Variants in TAOK1 observed in about 807,000 individuals in gnomAD.
The protein encoded by TAOK1 is TAO kinase 1.
A neutral mutation model predicts 138.3 loss-of-function variants in TAOK1; 21 were observed. The observed-to-expected ratio is 0.15, with a 90% CI of 0.11 to 0.22. The LOEUF is 0.22. Ranked by LOEUF, TAOK1 falls within the 10% of genes least tolerant of loss-of-function variation. TAOK1 has a pLI of 1.00. For synonymous variants in TAOK1, 361 were observed against 398.4 expected, an observed-to-expected ratio of 0.91 and a Z score of 1.12; for missense variants, 651 against 1,227.7, an observed-to-expected ratio of 0.53 and a Z score of 7.02.
At chr17:29,517,705 T>A in intron 16 of TAOK1, 49 bp downstream of exon 16, 1 of 1,537,754 alleles carries the variant, frequency 6.5e-7, no homozygotes, top group Non-Finnish European at 8.8e-7. Context: ...AAAGAATCTT[T>A]CCTGAAAATA....
rs1464028136 is a variant in TAOK1 at position 29,545,251 on chromosome 17, CA to C, written c.*2232del. The stretch of plus-strand genomic sequence containing the variant: ...CATTCAGGTATTATAGCGTTTCCAA[CA>C]AATTGAGAAATTACTTATTTGGTGT... On this transcript the variant is annotated 3_prime_UTR_variant, in exon 20 of 20. Coordinates refer to ENST00000261716, the MANE Select transcript of TAOK1 (RefSeq NM_020791.4). 6.7e-6 allele frequency: 1 copy of C among 149,164 alleles called. No homozygotes were observed. The highest frequency in any genetic ancestry group is 2.0e-4 in the East Asian group (1 of 5,110). The allele number at this position is 149,164 out of a possible 1,614,324, so 9.2% of individuals were successfully genotyped here.
intron 1 of TAOK1, among the ~76,000 whole-genome samples, chr17:29,399,890 T>G (rs554088822): frequency 5.5e-4 from 83 of 152,140 alleles, no homozygotes; most frequent in African/African-American, 1.9e-3. Context: ...CCACCACACC[T>G]GGCTAATTTT....
chr17:29,531,907 C>T (rs1168558016), intron 18 of TAOK1, among the ~76,000 whole-genome samples: 1 of 149,020 alleles, frequency 6.7e-6, no homozygotes, highest in Non-Finnish European at 1.5e-5. Flanking sequence ...GTCACCCAGG[C>T]TGGAGTGCAG....
chr17:29,468,629 C>T (rs1356529279), intron 3 of TAOK1, among the ~76,000 whole-genome samples: 3 of 151,590 alleles, frequency 2.0e-5, no homozygotes, highest in Admixed American at 2.0e-4. Context: ...CTCACTGTAA[C>T]CTCCACCTCC....
In TAOK1 at chr17:29,530,389, A is replaced by G. The variant is rs756224750; in HGVS notation, c.2149-18A>G. On this transcript the variant is annotated intron_variant, in intron 17 of 19. Transcript: ENST00000261716. ...CTTTCGTTACAACTTACATAAATGT[A>G]TTTTTTTTTCTTCCCAGTCTAAAGA... The G allele has an allele frequency of 6.3e-6, 10 of 1,583,250 alleles. No homozygotes were observed. The highest frequency in any genetic ancestry group is 8.7e-6 in the Non-Finnish European group (10 of 1,155,182).
intron 12 of TAOK1, among the ~76,000 whole-genome samples, chr17:29,501,462 GTTGCTACTTAAC>G (rs1295505727): frequency 6.6e-6 from 1 of 151,068 alleles, no homozygotes; most frequent in Non-Finnish European, 1.5e-5. Context: ...CAATTAATTG[GTTGCTACTTAAC>G]TGATGTTCTC....
At chr17:29,537,222 G>A (rs965066414) in intron 19 of TAOK1, among the ~76,000 whole-genome samples, 7 of 152,136 alleles carry the variant, frequency 4.6e-5, no homozygotes, top group Non-Finnish European at 1.0e-4. Context: ...ACCAAAAACT[G>A]CATGTTAATA....
Position 29,451,525 on chromosome 17 carries a change from C to A in TAOK1, c.-24C>A. The A allele has an allele frequency of 6.3e-7, 1 of 1,595,190 alleles. No homozygotes were observed. Among genetic ancestry groups the A allele is most frequent in the South Asian group, 1.1e-5 (1 of 88,678 alleles). On this transcript the variant is annotated 5_prime_UTR_variant, in exon 2 of 20. Coordinates refer to ENST00000261716, the MANE Select transcript of TAOK1 (RefSeq NM_020791.4). ...CGGGATAGCAGTATAAAATTAGAAT[C>A]AAGACAGCTGACTGCTCAGCAGGAT...
chr17:29,420,873 C>T (rs1184894620), intron 1 of TAOK1, among the ~76,000 whole-genome samples: 4 of 152,034 alleles, frequency 2.6e-5, no homozygotes, highest in Non-Finnish European at 5.9e-5. Flanking sequence ...TGAGCCACCG[C>T]GCCCAGCCGG....
intron 1 of TAOK1, among the ~76,000 whole-genome samples, chr17:29,392,927 A>G (rs1904475079): frequency 6.6e-6 from 1 of 152,144 alleles, no homozygotes; most frequent in African/African-American, 2.4e-5. Context: ...CTAGGCACTA[A>G]CTTAGTTTCT....
chr17:29,491,918 T>A, intron 10 of TAOK1, 53 bp downstream of exon 10: 1 of 1,386,434 alleles, frequency 7.2e-7, no homozygotes, highest in East Asian at 2.4e-5. Flanking sequence ...AAGGCCTCAC[T>A]TTGTCACCCA....
rs972010937 is a variant in TAOK1 at position 29,471,366 on chromosome 17, G to A, written c.204+4150G>A. Among the ~76,000 whole-genome samples the A allele has an allele frequency of 3.2e-5, 4 of 126,164 alleles. No homozygotes were observed. The East Asian group carries it at 7.5e-4, about 24-fold the overall frequency. The allele number at this position is 126,164 out of a possible 152,430, so 82.8% of individuals were successfully genotyped here. A position where few individuals can be genotyped will look rare whatever the true frequency, so the allele number is the denominator to read the frequency against. ...GCAATCTTGGTTCACTGCGACCTTC[G>A]CCTCCCGGGTTCAAGTGATTCTCCT... On this transcript the variant is annotated intron_variant, in intron 3 of 19. Transcript: ENST00000261716.
chr17:29,542,159 G>A (rs886498923), intron 19 of TAOK1, among the ~76,000 whole-genome samples: 3 of 152,158 alleles, frequency 2.0e-5, no homozygotes, highest in African/African-American at 7.2e-5. Flanking sequence ...CTACAGGCGT[G>A]AGCCACCGCG....
intron 1 of TAOK1, among the ~76,000 whole-genome samples, chr17:29,391,883 C>T (rs1037102816): frequency 6.6e-6 from 1 of 152,220 alleles, no homozygotes; most frequent in African/African-American, 2.4e-5. Context: ...ACCTCCTCAT[C>T]CTCATTTCCC....
At chr17:29,397,943 G>A (rs1490512617) in intron 1 of TAOK1, among the ~76,000 whole-genome samples, 1 of 151,972 alleles carries the variant, frequency 6.6e-6, no homozygotes, top group Admixed American at 6.6e-5. Context: ...TGGGAGTGCA[G>A]TGGCACAGTC....
intron 11 of TAOK1, among the ~76,000 whole-genome samples, chr17:29,496,914 G>T (rs1396104006): frequency 6.6e-6 from 1 of 152,024 alleles, no homozygotes; most frequent in Non-Finnish European, 1.5e-5. Flanking sequence ...TCATTTTACA[G>T]ATACCAAAAG....
At chr17:29,498,264 AAG>A (rs2031450855) in intron 11 of TAOK1, 52 bp from the exon 12 acceptor site, 8 of 1,586,736 alleles carry the variant, frequency 5.0e-6, no homozygotes, top group Middle Eastern at 1.7e-4. Context: ...AAGAATTCAG[AAG>A]AGAGAGATAT....
At chr17:29,425,515 C>T (rs1905607745) in intron 1 of TAOK1, among the ~76,000 whole-genome samples, 1 of 151,920 alleles carries the variant, frequency 6.6e-6, no homozygotes, top group Non-Finnish European at 1.5e-5. Context: ...CCCATCTGTA[C>T]AAAAAATATA....
At chr17:29,497,890 C>A (rs1207145976) in intron 11 of TAOK1, among the ~76,000 whole-genome samples, 2 of 151,196 alleles carry the variant, frequency 1.3e-5, no homozygotes, top group Admixed American at 6.6e-5. Flanking sequence ...ACGCCGTAGG[C>A]ACTGTGCCCA....
Sources: allele counts gnomAD v4.1 joint callset (sites outside exome capture counted in the v4.1 genomes callset), GRCh38; gene constraint gnomAD v4.1.1; transcripts MANE v1.5; gene names NCBI Gene and HGNC (gene_info 2026-07-23, HGNC 2026-07-21).